Variants in DACH1 observed in about 807,000 individuals in gnomAD.
The protein encoded by DACH1 is dachshund family transcription factor 1.
Under a neutral mutation model 54.2 loss-of-function variants are expected in DACH1, and 12 were observed. That is an observed-to-expected ratio of 0.22 (90% confidence interval 0.14 to 0.36). The LOEUF (loss-of-function observed/expected upper bound fraction) is 0.36. Among genes scored for constraint, DACH1 ranks in the 10% least tolerant of loss-of-function variants. The pLI is 1.00. For synonymous variants in DACH1, 386 were observed against 366.2 expected, an observed-to-expected ratio of 1.05 and a Z score of -0.62; for missense variants, 805 against 929.8, an observed-to-expected ratio of 0.87 and a Z score of 1.75.
intron 1 of DACH1, among the ~76,000 whole-genome samples, chr13:71,752,968 AG>A (rs1024642830): frequency 4.6e-5 from 7 of 152,212 alleles, no homozygotes; most frequent in Admixed American, 4.6e-4. Flanking sequence ...GACAGGCAGC[AG>A]GTGTGAGCAG....
intron 3 of DACH1, among the ~76,000 whole-genome samples, chr13:71,593,031 T>C (rs1873846917): frequency 6.6e-6 from 1 of 152,118 alleles, no homozygotes; most frequent in Non-Finnish European, 1.5e-5. Flanking sequence ...AGAATAAAAG[T>C]AGTGCATAAG....
chr13:71,786,511 T>A (rs1041348060), intron 1 of DACH1, among the ~76,000 whole-genome samples: 19 of 152,268 alleles, frequency 1.2e-4, no homozygotes, highest in African/African-American at 4.3e-4. Context: ...TAAGTTGTAT[T>A]AATAATAGAA....
intron 1 of DACH1, among the ~76,000 whole-genome samples, chr13:71,849,688 C>G (rs1024769119): frequency 6.6e-6 from 1 of 152,116 alleles, no homozygotes; most frequent in East Asian, 1.9e-4. Context: ...ACACTAAGAC[C>G]AGAGCTGCTG....
intron 5 of DACH1, among the ~76,000 whole-genome samples, chr13:71,559,120 C>T (rs570588991): frequency 6.6e-6 from 1 of 152,020 alleles, no homozygotes; most frequent in Non-Finnish European, 1.5e-5. Context: ...ACACAAAAAT[C>T]ACTTGTTAAT....
At chr13:71,771,275 TGAA>T (rs978871472) in intron 1 of DACH1, among the ~76,000 whole-genome samples, 6 of 150,192 alleles carry the variant, frequency 4.0e-5, no homozygotes, top group Admixed American at 4.0e-4. Context: ...AATGGAATTA[TGAA>T]GAAGAACACC....
intron 1 of DACH1, among the ~76,000 whole-genome samples, chr13:71,862,054 G>A (rs1032750383): frequency 1.3e-5 from 2 of 151,710 alleles, no homozygotes; most frequent in Admixed American, 6.6e-5. Context: ...AAAGAATTCT[G>A]TTTGTGAATA....
intron 3 of DACH1, among the ~76,000 whole-genome samples, chr13:71,601,936 G>A (rs1171159116): frequency 6.6e-6 from 1 of 151,818 alleles, no homozygotes; most frequent in Non-Finnish European, 1.5e-5. Context: ...AAACAATGAG[G>A]CATGAGTGAG....
chr13:71,818,373 G>C (rs558934769), intron 1 of DACH1, among the ~76,000 whole-genome samples: 4 of 152,274 alleles, frequency 2.6e-5, no homozygotes, highest in African/African-American at 9.6e-5. Flanking sequence ...AGACAAATGA[G>C]CTCAGTGAAT....
chr13:71,683,629 G>C (rs1163552260), intron 1 of DACH1, among the ~76,000 whole-genome samples: 1 of 152,058 alleles, frequency 6.6e-6, no homozygotes, highest in African/African-American at 2.4e-5. Flanking sequence ...ATATTGTCGT[G>C]CTTATTGTTC....
At chr13:71,639,161 G>A (rs2138591634) in intron 2 of DACH1, among the ~76,000 whole-genome samples, 1 of 152,092 alleles carries the variant, frequency 6.6e-6, no homozygotes, top group African/African-American at 2.4e-5. Context: ...TTAAATACCA[G>A]CTGTCAGAAA....
chr13:71,747,353 C>T (rs558985037), intron 1 of DACH1, among the ~76,000 whole-genome samples: 20 of 152,184 alleles, frequency 1.3e-4, no homozygotes, highest in Admixed American at 8.5e-4. Context: ...CCAAGGCAGG[C>T]GGATCACTTG....
chr13:71,596,993 C>T (rs944635518), intron 3 of DACH1, among the ~76,000 whole-genome samples: 3 of 151,974 alleles, frequency 2.0e-5, no homozygotes, highest in Non-Finnish European at 2.9e-5. Flanking sequence ...ATTTCCATTC[C>T]AAAAGATTTA....
intron 1 of DACH1, among the ~76,000 whole-genome samples, chr13:71,709,554 C>T (rs949647541): frequency 2.0e-5 from 3 of 151,786 alleles, no homozygotes; most frequent in African/African-American, 7.3e-5. Context: ...GTGGCAGTAT[C>T]GCAGTGGTTG....
chr13:71,751,142 C>A (rs1377479436), intron 1 of DACH1, among the ~76,000 whole-genome samples: 8 of 152,032 alleles, frequency 5.3e-5, no homozygotes, highest in African/African-American at 1.2e-4. Context: ...TGTTCAAAGT[C>A]AAAAATAATG....
chr13:71,449,317 C>A (rs1285921958), intron 10 of DACH1, among the ~76,000 whole-genome samples: 3 of 151,544 alleles, frequency 2.0e-5, no homozygotes, highest in Non-Finnish European at 4.4e-5. Context: ...CAGAGTGAGA[C>A]TGTCTCAAAA....
chr13:71,611,124 T>C (rs908507351), intron 3 of DACH1, among the ~76,000 whole-genome samples: 3 of 152,194 alleles, frequency 2.0e-5, no homozygotes, highest in Non-Finnish European at 2.9e-5. Context: ...TGAATTTCTC[T>C]GGTAGCTCAG....
chr13:71,723,548 C>T (rs893543346), intron 1 of DACH1, among the ~76,000 whole-genome samples: 2 of 152,172 alleles, frequency 1.3e-5, no homozygotes, highest in African/African-American at 2.4e-5. Flanking sequence ...TTAAAAACCT[C>T]TTTTGATGTT....
chr13:71,563,313 T>C (rs1470442365), intron 4 of DACH1, among the ~76,000 whole-genome samples: 1 of 152,016 alleles, frequency 6.6e-6, no homozygotes, highest in African/African-American at 2.4e-5. Context: ...AGACATAAAG[T>C]ACAATCTTGA....
intron 1 of DACH1, among the ~76,000 whole-genome samples, chr13:71,715,495 A>G (rs573146193): frequency 7.2e-5 from 11 of 152,146 alleles, no homozygotes; most frequent in African/African-American, 2.2e-4. Context: ...GCGGTTTCCT[A>G]TATTTGTGCC....
Sources: allele counts gnomAD v4.1 joint callset (sites outside exome capture counted in the v4.1 genomes callset), GRCh38; gene constraint gnomAD v4.1.1; transcripts MANE v1.5; gene names NCBI Gene and HGNC (gene_info 2026-07-23, HGNC 2026-07-21).